Variants in GRM8 observed in about 807,000 individuals in gnomAD.
The protein encoded by GRM8 is metabotropic glutamate receptor 8.
Under a neutral mutation model 87.2 loss-of-function variants are expected in GRM8, and 47 were observed. The observed-to-expected ratio is 0.54, with a 90% CI of 0.43 to 0.69. The LOEUF is 0.69. Ranked by LOEUF, GRM8 falls within the 30% of genes least tolerant of loss-of-function variation. The pLI, the probability that GRM8 is intolerant of heterozygous loss-of-function variation, is 0.00. For missense variants in GRM8, 1,019 were observed against 1,139.2 expected (o/e 0.89, Z 1.52); for synonymous variants, 396 against 404.5 (o/e 0.98, Z 0.25).
chr7:126,776,646 C>G (rs183203518), intron 6 of GRM8, among the ~76,000 whole-genome samples: 1 of 152,182 alleles, frequency 6.6e-6, no homozygotes, highest in Non-Finnish European at 1.5e-5. Flanking sequence ...AAAGAAGCTA[C>G]GTTGGAGTAG....
At chr7:126,876,995 C>T (rs568897899) in intron 6 of GRM8, among the ~76,000 whole-genome samples, 3 of 151,596 alleles carry the variant, frequency 2.0e-5, no homozygotes, top group African/African-American at 7.2e-5. Context: ...CTCCTAATTT[C>T]CTGCAATATT....
intron 3 of GRM8, among the ~76,000 whole-genome samples, chr7:127,039,815 A>G: frequency 1.7e-5 from 1 of 59,592 alleles, no homozygotes; most frequent in African/African-American, 7.7e-5. Context: ...GGGAAGTGGA[A>G]GGGAGAAGAA....
At chr7:126,559,746 C>T (rs1190708891) in intron 8 of GRM8, among the ~76,000 whole-genome samples, 16 of 152,160 alleles carry the variant, frequency 1.1e-4, no homozygotes, top group Admixed American at 1.0e-3. Flanking sequence ...TGAATTGGAA[C>T]TTTCAGGAAT....
chr7:126,854,750 C>A (rs996638766), intron 6 of GRM8, among the ~76,000 whole-genome samples: 2 of 152,200 alleles, frequency 1.3e-5, no homozygotes, highest in Non-Finnish European at 2.9e-5. Flanking sequence ...TCTCTTAAAC[C>A]ATTACCTACC....
rs989294752 is a variant in GRM8, at chr7:126,775,488, T to G, written c.1157-5423A>C. 3.2e-4 allele frequency among the ~76,000 whole-genome samples: 21 copies of G among 65,080 alleles called. No individual in the cohort carries two copies. The Admixed American group carries it at 3.3e-3, about 10-fold the overall frequency. The allele number at this position is 65,080 out of a possible 152,430, so 42.7% of individuals were successfully genotyped here. On this transcript the variant is annotated intron_variant, in intron 6 of 10. Transcript: ENST00000339582. ...TCAAGCTGACAAATAGGTTTTTTTT[T>G]TTTTTTTTTTTTTTTTTTTTACTAA...
At chr7:126,605,868 T>TAC (rs1487779764) in intron 8 of GRM8, among the ~76,000 whole-genome samples, 1 of 152,140 alleles carries the variant, frequency 6.6e-6, no homozygotes, top group Non-Finnish European at 1.5e-5. Flanking sequence ...CATATATATA[T>TAC]ACCTTCATCA....
intron 3 of GRM8, among the ~76,000 whole-genome samples, chr7:127,002,759 T>C (rs2132043231): frequency 6.6e-6 from 1 of 151,866 alleles, no homozygotes; most frequent in Middle Eastern, 3.4e-3. Flanking sequence ...TTTTAAAACA[T>C]TGAAAGCATA....
chr7:126,696,343 G>A (rs189179267), intron 7 of GRM8, among the ~76,000 whole-genome samples: 56 of 152,180 alleles, frequency 3.7e-4, no homozygotes, highest in Non-Finnish European at 7.1e-4. Context: ...ATTAAGCCCC[G>A]CATGTATTAG....
chr7:126,631,054 AT>A (rs1801204136), intron 7 of GRM8, among the ~76,000 whole-genome samples: 1 of 152,220 alleles, frequency 6.6e-6, no homozygotes, highest in South Asian at 2.1e-4. Flanking sequence ...AAATAAAAAA[AT>A]AAAGGGTATT....
chr7:127,109,468 T>C (rs1176160632), intron 2 of GRM8, among the ~76,000 whole-genome samples: 1 of 152,184 alleles, frequency 6.6e-6, no homozygotes, highest in South Asian at 2.1e-4. Flanking sequence ...CTTCTCTCCA[T>C]ATTCTCACAG....
chr7:126,957,885 A>G (rs1487211558), intron 3 of GRM8, among the ~76,000 whole-genome samples: 1 of 152,194 alleles, frequency 6.6e-6, no homozygotes, highest in Non-Finnish European at 1.5e-5. Flanking sequence ...TTCCAGGTGG[A>G]GTCCGCAGCC....
intron 9 of GRM8, among the ~76,000 whole-genome samples, chr7:126,485,943 A>G (rs1807303275): frequency 6.6e-6 from 1 of 152,052 alleles, no homozygotes; most frequent in African/African-American, 2.4e-5. Context: ...AATTATAAAC[A>G]TGACCTAAGG....
intron 3 of GRM8, among the ~76,000 whole-genome samples, chr7:127,099,315 A>G (rs780962448): frequency 4.6e-5 from 7 of 152,222 alleles, no homozygotes; most frequent in Non-Finnish European, 8.8e-5. Context: ...CCCTTCCCTC[A>G]GGCCAAAAGA....
chr7:126,481,837 T>C (rs1584768530), intron 9 of GRM8, among the ~76,000 whole-genome samples: 1 of 152,074 alleles, frequency 6.6e-6, no homozygotes, highest in African/African-American at 2.4e-5. Flanking sequence ...TTACTTACCA[T>C]AGTTATATGC....
intron 6 of GRM8, among the ~76,000 whole-genome samples, chr7:126,885,945 T>C (rs1487928496): frequency 6.6e-6 from 1 of 152,160 alleles, no homozygotes; most frequent in Admixed American, 6.6e-5. Flanking sequence ...TTGATATTCT[T>C]TGTGGCACTT....
intron 2 of GRM8, among the ~76,000 whole-genome samples, chr7:127,235,782 T>A (rs968873484): frequency 1.3e-5 from 2 of 152,222 alleles, no homozygotes; most frequent in African/African-American, 2.4e-5. Context: ...TTAAAAGCTA[T>A]GCTGGCAATG....
chr7:126,589,676 C>G (rs1325121364), intron 8 of GRM8, among the ~76,000 whole-genome samples: 2 of 152,188 alleles, frequency 1.3e-5, no homozygotes, highest in African/African-American at 4.8e-5. Context: ...CAGCACAAAA[C>G]TAGTGCAATA....
chr7:126,804,131 A>C (rs1425612399), intron 6 of GRM8, among the ~76,000 whole-genome samples: 3 of 152,210 alleles, frequency 2.0e-5, no homozygotes, highest in African/African-American at 7.2e-5. Context: ...CTGTCCTCTC[A>C]GTCTGCACTT....
chr7:126,962,871 T>C lies in GRM8; in HGVS notation c.728-58188A>G, dbSNP rs986179940. Among the ~76,000 whole-genome samples, 6 of 152,230 alleles carry C rather than the reference T, an allele frequency of 3.9e-5. 1 individual carries two copies. The highest frequency in any genetic ancestry group is 4.1e-4 in the South Asian group (2 of 4,836). On this transcript the variant is annotated intron_variant, in intron 3 of 10. Coordinates refer to ENST00000339582, the MANE Select transcript of GRM8 (RefSeq NM_000845.3). The stretch of plus-strand genomic sequence containing the variant: ...ACTTACCCGCAGAAACTAAGTTTTG[T>C]GCTTAGTACTCAAGACGGTTATGTT...
Sources: allele counts gnomAD v4.1 joint callset (sites outside exome capture counted in the v4.1 genomes callset), GRCh38; gene constraint gnomAD v4.1.1; transcripts MANE v1.5; gene names NCBI Gene and HGNC (gene_info 2026-07-23, HGNC 2026-07-21).